The following SLC15A5 variants were observed in gnomAD, a reference collection of about 807,000 sequenced individuals.
SLC15A5 encodes solute carrier family 15 member 5.
In SLC15A5, 58 loss-of-function variants were observed where a neutral mutation model predicts 56.1. The observed-to-expected ratio is 1.03, with a 90% CI of 0.84 to 1.29. The LOEUF is 1.29. SLC15A5 is among the 50% of genes most tolerant of loss of function. The pLI, the probability that SLC15A5 is intolerant of heterozygous loss-of-function variation, is 0.00. For synonymous variants in SLC15A5, 264 were observed against 250.5 expected, an observed-to-expected ratio of 1.05 and a Z score of -0.51; for missense variants, 681 against 672.1, an observed-to-expected ratio of 1.01 and a Z score of -0.15.
chr12:16,261,007 T>C (rs1434638443), intron 2 of SLC15A5, among the ~76,000 whole-genome samples: 1 of 152,190 alleles, frequency 6.6e-6, no homozygotes, highest in Non-Finnish European at 1.5e-5. Flanking sequence ...TCTATCCTTA[T>C]GCCAATACCA....
At chr12:16,247,681 G>C (rs1260334267) in intron 3 of SLC15A5, among the ~76,000 whole-genome samples, 2 of 152,042 alleles carry the variant, frequency 1.3e-5, no homozygotes, top group Non-Finnish European at 2.9e-5. Flanking sequence ...AGCCAGGACG[G>C]GTTCAGAAAG....
intron 7 of SLC15A5, among the ~76,000 whole-genome samples, chr12:16,199,947 A>G (rs967695426): frequency 6.6e-6 from 1 of 152,156 alleles, no homozygotes; most frequent in Middle Eastern, 3.4e-3. Context: ...AAAATGCTGT[A>G]AAGTTCTCAT....
chr12:16,202,629 G>A (rs1863968823), intron 7 of SLC15A5, among the ~76,000 whole-genome samples: 1 of 152,118 alleles, frequency 6.6e-6, no homozygotes. Context: ...GTTGAAATCA[G>A]TATATCAAAG....
chr12:16,224,350 A>G, intron 6 of SLC15A5, 64 bp downstream of exon 6: 2 of 1,427,002 alleles, frequency 1.4e-6, no homozygotes, highest in Non-Finnish European at 1.9e-6. Flanking sequence ...GTTCTGGTTG[A>G]GGTGATGTGT....
rs1864813273 is a variant in SLC15A5 at position 16,275,883 on chromosome 12, T to TA, written c.361+1441dup. Among the ~76,000 whole-genome samples the TA allele has an allele frequency of 2.0e-5, 3 of 152,054 alleles. No homozygotes were observed. The South Asian group carries it at 6.2e-4, about 32-fold the overall frequency. On this transcript the variant is annotated intron_variant, in intron 1 of 8. Transcript: ENST00000344941. ...AGAGTAAGTTAGTCTGGGATTTGCTTAAATGTCTTCTTATCAGAAAACTTT... is the reference window on the plus strand; with the variant it reads ...AGAGTAAGTTAGTCTGGGATTTGCTTAAAATGTCTTCTTATCAGAAAACTTT...
In SLC15A5 at chr12:16,253,486, A is replaced by G. The variant is rs569731405; in HGVS notation, c.754+4215T>C. 2.0e-5 allele frequency among the ~76,000 whole-genome samples: 3 copies of G among 152,244 alleles called. No homozygotes were observed. The South Asian group carries it at 6.2e-4, about 32-fold the overall frequency. ...GTTTAAAAAATGACCAAAGGACTTG[A>G]ATAGAATTTTCTTCAAAGAAGATTT... On this transcript the variant is annotated intron_variant, in intron 3 of 8. Transcript: ENST00000344941.
At position 16,235,929 on chromosome 12, in the gene SLC15A5, A is replaced by G. The variant is rs1254646242; in HGVS notation, c.1162+3752T>C. Among the ~76,000 whole-genome samples the G allele has an allele frequency of 6.6e-6, 1 of 152,168 alleles. No individual in the cohort carries two copies. The highest frequency in any genetic ancestry group is 2.4e-5 in the African/African-American group (1 of 41,454). On this transcript the variant is annotated intron_variant, in intron 5 of 8. Transcript: ENST00000344941. This position sits in a 1 kb window ranked among gnomAD's most constrained non-coding sequence, Gnocchi z 4.1. ...ACAGGGACCTACACTGACTGTGACT[A>G]TATCATAAAAGACTTTTAGCTGGAA...
chr12:16,241,855 C>T (rs1864417279), intron 4 of SLC15A5, among the ~76,000 whole-genome samples: 1 of 152,154 alleles, frequency 6.6e-6, no homozygotes, highest in South Asian at 2.1e-4. Flanking sequence ...GGCAAATGTA[C>T]TATTAATCTT....
In SLC15A5 at chr12:16,277,655, C is replaced by T. The variant is rs372141949; in HGVS notation, c.31G>A (p.Glu11Lys). The T allele has an allele frequency of 4.6e-5, 71 of 1,535,512 alleles. No homozygotes were observed. The African/African-American group carries it at 7.4e-4, about 16-fold the overall frequency. The change falls in exon 1 of 9, where the codon GAG becomes AAG. Residue 11 changes from glutamate to lysine, a missense_variant. Glu to Lys is a moderately conservative substitution (Grantham distance 56, BLOSUM62 1). Coordinates refer to ENST00000344941, the MANE Select transcript of SLC15A5 (RefSeq NM_001170798.1). MSVTGFTITD[E>K]KVHLYHSIEK... is the part of the protein sequence containing the mutation. ...ATGCTGTGATATAAGTGTACTTTCT[C>T]ATCAGTTATGGTAAAGCCTGTAACA...
intron 5 of SLC15A5, among the ~76,000 whole-genome samples, chr12:16,238,156 T>G (rs1027528979): frequency 2.0e-5 from 3 of 152,132 alleles, no homozygotes; most frequent in African/African-American, 7.2e-5. Context: ...TAAACTAAGG[T>G]GAGTTTAGTC....
rs1863898610 is a variant in SLC15A5 at position 16,196,808 on chromosome 12, T to C, written c.1484-2355A>G. Among the ~76,000 whole-genome samples the C allele has an allele frequency of 6.6e-6, 1 of 152,066 alleles. No individual in the cohort carries two copies. The highest frequency in any genetic ancestry group is 1.5e-5 in the Non-Finnish European group (1 of 68,016). ...GTCAGATGAGGAAGAAGAATATAAA[T>C]TCACTAAGATCTTTAAAGGTAAAAC... On this transcript the variant is annotated intron_variant, in intron 7 of 8. Coordinates refer to ENST00000344941, the MANE Select transcript of SLC15A5 (RefSeq NM_001170798.1). The surrounding 1 kb of genome is among the most constrained non-coding windows in gnomAD (Gnocchi z 4.0).
intron 1 of SLC15A5, among the ~76,000 whole-genome samples, chr12:16,274,679 C>A (rs1434177960): frequency 6.6e-6 from 1 of 152,048 alleles, no homozygotes; most frequent in African/African-American, 2.4e-5. Flanking sequence ...ACCACTTAGT[C>A]TTCTCTTCTG....
At position 16,269,105 on chromosome 12, in the gene SLC15A5, C is replaced by A. The variant is rs1864723672; in HGVS notation, c.584+3456G>T. On this transcript the variant is annotated intron_variant, in intron 2 of 8. Coordinates refer to ENST00000344941, the MANE Select transcript of SLC15A5 (RefSeq NM_001170798.1). This position sits in a 1 kb window ranked among gnomAD's most constrained non-coding sequence, Gnocchi z 4.7. ...AGAACCCTGATCTCAGAATTCTGGC[C>A]TCCAGAGCTGTGAAAAATAAATTTC... Among the ~76,000 whole-genome samples, 2 of 151,982 alleles carry A rather than the reference C, an allele frequency of 1.3e-5. No homozygotes were observed. The highest frequency in any genetic ancestry group is 2.9e-5 in the Non-Finnish European group (2 of 68,022).
intron 3 of SLC15A5, 48 bp downstream of exon 3, chr12:16,257,653 A>G: frequency 1.5e-6 from 2 of 1,313,028 alleles, no homozygotes; most frequent in Admixed American, 3.7e-5. Flanking sequence ...ATATCTGTCA[A>G]GAAAACAATA....
At chr12:16,252,558 G>A (rs889857408) in intron 3 of SLC15A5, among the ~76,000 whole-genome samples, 2 of 151,954 alleles carry the variant, frequency 1.3e-5, no homozygotes, top group Non-Finnish European at 2.9e-5. Context: ...ATATACTATA[G>A]CATTGAAAAG....
At chr12:16,242,711 A>G (rs1864424527) in intron 4 of SLC15A5, among the ~76,000 whole-genome samples, 1 of 152,256 alleles carries the variant, frequency 6.6e-6, no homozygotes, top group Non-Finnish European at 1.5e-5. Flanking sequence ...ATTAAAAAAT[A>G]TATGACAGTG....
At chr12:16,267,724 A>T (rs1002697290) in intron 2 of SLC15A5, among the ~76,000 whole-genome samples, 5 of 36,338 alleles carry the variant, frequency 1.4e-4, no homozygotes, top group Non-Finnish European at 2.5e-4. Context: ...ACCCCCGCCC[A>T]CCCCCCACCT....
At position 16,212,999 on chromosome 12, in the gene SLC15A5, A is replaced by C. The variant is rs546307885; in HGVS notation, c.1483+3894T>G. ...ACCATAAGCAGGATGCAACTGTGAG[A>C]AAGTCAGCAAAATCTCTGTTGGCAT... is the stretch of plus-strand genomic sequence containing the variant. On this transcript the variant is annotated intron_variant, in intron 7 of 8. Transcript: ENST00000344941. Among the ~76,000 whole-genome samples the C allele has an allele frequency of 7.3e-4, 111 of 152,258 alleles. 1 individual carries two copies. Among genetic ancestry groups the C allele is most frequent in the Middle Eastern group, 6.8e-3 (2 of 294 alleles).
chr12:16,189,621 A>G lies in SLC15A5; in HGVS notation c.*47T>C. 1.5e-6 allele frequency: 2 copies of G among 1,358,454 alleles called. No homozygotes were observed. Among genetic ancestry groups the G allele is most frequent in the South Asian group, 2.1e-5 (1 of 46,944 alleles). 84.2% of individuals were successfully genotyped at this position (1,358,454 alleles called of 1,614,324 possible). On this transcript the variant is annotated 3_prime_UTR_variant, in exon 9 of 9. Coordinates refer to ENST00000344941, the MANE Select transcript of SLC15A5 (RefSeq NM_001170798.1). ...ACATAAAATGCTCAACTGAAGAAGAAAACAATGAATACTGTTCTCATAAGA... is the reference window on the plus strand; with the variant it reads ...ACATAAAATGCTCAACTGAAGAAGAGAACAATGAATACTGTTCTCATAAGA...
Sources: gnomAD v4.1 joint callset for allele counts (sites outside exome capture counted in the v4.1 genomes callset) on GRCh38, gnomAD v4.1.1 for gene constraint, Gnocchi (gnomAD v3.1) non-coding constraint, MANE v1.5 for transcripts, NCBI Gene and HGNC (gene_info 2026-07-23, HGNC 2026-07-21) for gene names.